AGBL1: variants seen among roughly 807,000 people sequenced by gnomAD.
AGBL1 encodes cytosolic carboxypeptidase 4.
In AGBL1, 130 loss-of-function variants were observed where a neutral mutation model predicts 118.9. The observed-to-expected ratio is 1.09, with a 90% CI of 0.95 to 1.26. AGBL1 has a LOEUF of 1.26. AGBL1 is among the 50% of genes most tolerant of loss of function. The pLI, the probability that AGBL1 is intolerant of heterozygous loss-of-function variation, is 0.00. For missense variants in AGBL1, 1,584 were observed against 1,298.1 expected (o/e 1.22, Z -3.38); for synonymous variants, 555 against 478.9 (o/e 1.16, Z -2.08).
intron 18 of AGBL1, among the ~76,000 whole-genome samples, chr15:86,445,165 C>G (rs1419769550): frequency 2.0e-5 from 3 of 152,170 alleles, no homozygotes; most frequent in Admixed American, 6.5e-5. Flanking sequence ...CACACTGGCA[C>G]TCAGCTTGAC....
intron 1 of AGBL1, among the ~76,000 whole-genome samples, chr15:86,091,859 C>A (rs1237146477): frequency 6.6e-6 from 1 of 152,120 alleles, no homozygotes; most frequent in Non-Finnish European, 1.5e-5. Context: ...CCAACTTGGT[C>A]TTGGACATCT....
rs372810139 is a variant in AGBL1 at position 86,708,921 on chromosome 15, C to G, written c.3158+34485C>G. ...ATTTTGTTGCTTCACTTCCACTGCT[C>G]AAGCTCATTTAATGTACCTGTGAGA... is the stretch of plus-strand genomic sequence containing the variant. On this transcript the variant is annotated intron_variant, in intron 22 of 22. Coordinates refer to ENST00000614907, the MANE Select transcript of AGBL1 (RefSeq NM_001386094.1). 3.1e-4 allele frequency among the ~76,000 whole-genome samples: 47 copies of G among 152,220 alleles called. No individual in the cohort carries two copies. In the East Asian group the frequency reaches 6.8e-3, roughly 22 times the overall value.
chr15:86,480,902 G>A (rs2082642618), intron 18 of AGBL1, among the ~76,000 whole-genome samples: 1 of 152,010 alleles, frequency 6.6e-6, no homozygotes, highest in African/African-American at 2.4e-5. Flanking sequence ...GGAAGTATGT[G>A]AAGGGTTTTG....
intron 2 of AGBL1, among the ~76,000 whole-genome samples, chr15:86,142,812 GTGC>G: frequency 6.6e-6 from 1 of 152,314 alleles, no homozygotes; most frequent in South Asian, 2.1e-4. Flanking sequence ...TTCTGGGATA[GTGC>G]TGTCTTACAT....
intron 24 of AGBL1, among the ~76,000 whole-genome samples, chr15:87,008,289 C>T (rs1009475086): frequency 6.6e-6 from 1 of 152,078 alleles, no homozygotes; most frequent in Admixed American, 6.6e-5. Context: ...CAGGTCTTTC[C>T]CACGCTGTTC....
intron 19 of AGBL1, 129 bp downstream of exon 19, chr15:86,523,068 A>C (rs1043141518): frequency 7.9e-6 from 9 of 1,132,652 alleles, no homozygotes; most frequent in African/African-American, 7.7e-5. Context: ...AGAATGGAGG[A>C]TGCATGGTGC....
intron 18 of AGBL1, among the ~76,000 whole-genome samples, chr15:86,497,736 T>C (rs998552260): frequency 6.6e-6 from 1 of 151,892 alleles, no homozygotes; most frequent in South Asian, 2.1e-4. Context: ...AATCCTTCTG[T>C]GTCTGGAAAT....
At chr15:86,918,892 A>T (rs933213577), downstream of AGBL1, among the ~76,000 whole-genome samples, 5 of 152,178 alleles carry the variant, frequency 3.3e-5, no homozygotes, top group Non-Finnish European at 2.9e-5. Context: ...GATCAGCAGG[A>T]TTTCCCTTAA....
intron 3 of AGBL1, among the ~76,000 whole-genome samples, chr15:86,153,803 C>T (rs893425030): frequency 4.6e-5 from 7 of 151,962 alleles, no homozygotes; most frequent in Non-Finnish European, 8.8e-5. Flanking sequence ...AACATTTTGC[C>T]GTATTTTCTT....
At chr15:86,603,740 T>C (rs2142375436) in intron 21 of AGBL1, among the ~76,000 whole-genome samples, 1 of 152,286 alleles carries the variant, frequency 6.6e-6, no homozygotes, top group African/African-American at 2.4e-5. Context: ...TTACTTCTAC[T>C]GAAAGTGCCA....
At chr15:86,140,575 A>C (rs1456683794) in intron 1 of AGBL1, among the ~76,000 whole-genome samples, 1 of 152,146 alleles carries the variant, frequency 6.6e-6, no homozygotes, top group Non-Finnish European at 1.5e-5. Flanking sequence ...GTGGGAAGCA[A>C]GATTATACCA....
At chr15:86,155,776 G>T (rs902278326) in intron 4 of AGBL1, among the ~76,000 whole-genome samples, 3 of 151,992 alleles carry the variant, frequency 2.0e-5, no homozygotes, top group South Asian at 4.2e-4. Flanking sequence ...TACTTACCCT[G>T]TTGAACCTCA....
chr15:86,659,240 C>T (rs979045930), intron 21 of AGBL1, among the ~76,000 whole-genome samples: 2 of 152,112 alleles, frequency 1.3e-5, no homozygotes, highest in Admixed American at 6.6e-5. Context: ...AGCAGTTATG[C>T]ACTAATAAAC....
At chr15:86,381,735 C>T (rs1003398381) in intron 17 of AGBL1, among the ~76,000 whole-genome samples, 1 of 151,994 alleles carries the variant, frequency 6.6e-6, no homozygotes, top group Non-Finnish European at 1.5e-5. Context: ...GAAGAGAGGG[C>T]GTGAGAGGGC....
At chr15:86,749,154 C>T (rs1194462180) in intron 22 of AGBL1, among the ~76,000 whole-genome samples, 1 of 152,042 alleles carries the variant, frequency 6.6e-6, no homozygotes, top group East Asian at 1.9e-4. Context: ...ATGGAATGTT[C>T]TTCCATTTGT....
intron 15 of AGBL1, among the ~76,000 whole-genome samples, chr15:86,276,613 G>A (rs2079256110): frequency 6.6e-6 from 1 of 152,162 alleles, no homozygotes; most frequent in Non-Finnish European, 1.5e-5. Context: ...TAAAGTATTG[G>A]CCATGAGAAT....
chr15:86,555,283 C>T (rs1653965265), intron 21 of AGBL1, among the ~76,000 whole-genome samples: 1 of 152,158 alleles, frequency 6.6e-6, no homozygotes, highest in African/African-American at 2.4e-5. Flanking sequence ...GACTGCTCCT[C>T]GGTGACTTCC....
rs529295362 is a variant in AGBL1, at chr15:86,673,919, G to GA, written c.2995-346dup. ...CTTTATGAACTTCTGTTTCAGAAGT[G>GA]AAAAAAAACCCTTTTTAAAAATACA... On this transcript the variant is annotated intron_variant, in intron 21 of 22. Coordinates refer to ENST00000614907, the MANE Select transcript of AGBL1 (RefSeq NM_001386094.1). Among the ~76,000 whole-genome samples the GA allele has an allele frequency of 1.8e-3, 274 of 152,296 alleles. 4 individuals are homozygous for GA. The East Asian group carries it at 0.021, about 12-fold the overall frequency.
rs1395664389 is a variant in AGBL1 at position 86,615,946 on chromosome 15, C to T, written c.2995-58327C>T. 2.0e-5 allele frequency among the ~76,000 whole-genome samples: 3 copies of T among 152,056 alleles called. No individual in the cohort carries two copies. Among genetic ancestry groups the T allele is most frequent in the African/African-American group, 7.2e-5 (3 of 41,404 alleles). ...CAACAGGAAATAAAAAAAAAATACT[C>T]CCACGGAAGTGGAAGGTAAACCACA... On this transcript the variant is annotated intron_variant, in intron 21 of 22. Coordinates refer to ENST00000614907, the MANE Select transcript of AGBL1 (RefSeq NM_001386094.1). This position sits in a 1 kb window ranked among gnomAD's most constrained non-coding sequence, Gnocchi z 4.3.
Sources: allele counts gnomAD v4.1 joint callset (sites outside exome capture counted in the v4.1 genomes callset), GRCh38; gene constraint gnomAD v4.1.1; non-coding constraint Gnocchi (gnomAD v3.1); transcripts MANE v1.5; gene names NCBI Gene and HGNC (gene_info 2026-07-23, HGNC 2026-07-21).